The following RAD51B variants were observed in gnomAD, a reference collection of about 807,000 sequenced individuals.
The protein encoded by RAD51B is RAD51 paralog B, also known as DNA repair protein RAD51 homolog 2.
Under a neutral mutation model 42.2 loss-of-function variants are expected in RAD51B, and 38 were observed. The ratio of observed to expected loss-of-function variants is 0.90; its 90% CI spans 0.70 to 1.18. The LOEUF (loss-of-function observed/expected upper bound fraction) is 1.18, where lower values mean the gene tolerates loss of function less well. RAD51B is among the 50% of genes most tolerant of loss of function. The pLI, the probability that RAD51B is intolerant of heterozygous loss-of-function variation, is 0.00. For synonymous variants in RAD51B, 154 were observed against 145.2 expected (o/e 1.06, Z -0.43); for missense variants, 373 against 400.7 (o/e 0.93, Z 0.59).
At chr14:68,467,397 G>A (rs2086012246) in intron 9 of RAD51B, among the ~76,000 whole-genome samples, 1 of 152,242 alleles carries the variant, frequency 6.6e-6, no homozygotes, top group Non-Finnish European at 1.5e-5. Context: ...TATTTAACTT[G>A]TGTATCTGTG....
At chr14:68,109,800 T>G (rs1439573733) in intron 7 of RAD51B, among the ~76,000 whole-genome samples, 1 of 152,034 alleles carries the variant, frequency 6.6e-6, no homozygotes, top group East Asian at 1.9e-4. Flanking sequence ...ACCAACTTCA[T>G]GTCTGGTCTT....
At chr14:67,859,052 A>G (rs1227719269) in intron 4 of RAD51B, among the ~76,000 whole-genome samples, 1 of 152,262 alleles carries the variant, frequency 6.6e-6, no homozygotes, top group Non-Finnish European at 1.5e-5. Context: ...TCAATCTAAC[A>G]AATGAAATTT....
intron 8 of RAD51B, among the ~76,000 whole-genome samples, chr14:68,333,714 T>C (rs2082392221): frequency 6.6e-6 from 1 of 152,248 alleles, no homozygotes; most frequent in Non-Finnish European, 1.5e-5. Context: ...AAAGTACACA[T>C]ACATTGTAGA....
chr14:68,111,400 A>G (rs2077457134), intron 7 of RAD51B, among the ~76,000 whole-genome samples: 1 of 152,080 alleles, frequency 6.6e-6, no homozygotes, highest in South Asian at 2.1e-4. Flanking sequence ...TTTCAGAAAC[A>G]GGATATCAGT....
chr14:68,066,054 AT>A (rs1277512651), intron 7 of RAD51B, among the ~76,000 whole-genome samples: 1 of 152,096 alleles, frequency 6.6e-6, no homozygotes, highest in Non-Finnish European at 1.5e-5. Flanking sequence ...AAATATATTT[AT>A]TGCATTATTT....
At chr14:68,638,675 G>C (rs909696970) in intron 10 of RAD51B, among the ~76,000 whole-genome samples, 4 of 152,034 alleles carry the variant, frequency 2.6e-5, no homozygotes, top group African/African-American at 9.7e-5. Context: ...TGCTCAGAGA[G>C]CTGACGGTCC....
chr14:68,167,894 G>A (rs1056076122), intron 7 of RAD51B, among the ~76,000 whole-genome samples: 4 of 152,022 alleles, frequency 2.6e-5, no homozygotes, highest in African/African-American at 7.2e-5. Flanking sequence ...CTTATGAGAT[G>A]GATTTTATTG....
At chr14:68,658,307 A>T (rs1290512641) in intron 11 of RAD51B, among the ~76,000 whole-genome samples, 1 of 152,178 alleles carries the variant, frequency 6.6e-6, no homozygotes, top group Non-Finnish European at 1.5e-5. Context: ...CCGGACCGAG[A>T]ATCTGGGGCT....
At chr14:68,343,832 C>T in intron 8 of RAD51B, among the ~76,000 whole-genome samples, 1 of 152,288 alleles carries the variant, frequency 6.6e-6, no homozygotes, top group East Asian at 1.9e-4. Context: ...TCAGCTCCAT[C>T]TCCAGCTCCA....
chr14:68,653,410 C>T (rs1892743009), intron 11 of RAD51B, among the ~76,000 whole-genome samples: 1 of 152,198 alleles, frequency 6.6e-6, no homozygotes, highest in South Asian at 2.1e-4. Context: ...TACAGGATAC[C>T]TCTTTAGACC....
At chr14:68,154,490 T>C (rs1328039570) in intron 7 of RAD51B, among the ~76,000 whole-genome samples, 3 of 152,216 alleles carry the variant, frequency 2.0e-5, no homozygotes, top group East Asian at 1.9e-4. Context: ...CTTACATGCA[T>C]GCACTAATCA....
intron 10 of RAD51B, chr14:68,562,805 C>T: frequency 1.0e-6 from 1 of 985,396 alleles, no homozygotes; most frequent in Non-Finnish European, 1.2e-6. Flanking sequence ...ATGGTACAGA[C>T]ATCACAAGGT....
chr14:68,026,064 A>G (rs1303894697), intron 7 of RAD51B, among the ~76,000 whole-genome samples: 1 of 151,848 alleles, frequency 6.6e-6, no homozygotes, highest in Admixed American at 6.6e-5. Context: ...TATTTTCATT[A>G]TTATCATTTT....
chr14:68,268,741 A>G (rs1220564549), intron 7 of RAD51B, among the ~76,000 whole-genome samples: 2 of 152,236 alleles, frequency 1.3e-5, no homozygotes, highest in Non-Finnish European at 2.9e-5. Flanking sequence ...TCAAAGGCAC[A>G]GAGCATCTTT....
chr14:68,327,725 A>AT lies in RAD51B; in HGVS notation c.853+35747dup, dbSNP rs576949676. 1.0e-3 allele frequency among the ~76,000 whole-genome samples: 108 copies of AT among 106,950 alleles called. 1 individual carries two copies. The highest frequency in any genetic ancestry group is 2.7e-3 in the African/African-American group (106 of 39,082). The allele number at this position is 106,950 out of a possible 152,430, so 70.2% of individuals were successfully genotyped here. Reference sequence around the variant, plus strand: ...AGATATTAATCTTCGAGAAGGTATTATTAAAAAAAAGTATATAATATTCAT... The same window carrying AT: ...AGATATTAATCTTCGAGAAGGTATTATTTAAAAAAAAGTATATAATATTCAT... On this transcript the variant is annotated intron_variant, in intron 8 of 10. Transcript: ENST00000471583.
chr14:68,398,961 G>C (rs944154680), intron 8 of RAD51B, among the ~76,000 whole-genome samples: 4 of 151,950 alleles, frequency 2.6e-5, no homozygotes, highest in Admixed American at 6.6e-5. Context: ...ATGGACTCTT[G>C]GGCATCACCT....
intron 7 of RAD51B, among the ~76,000 whole-genome samples, chr14:68,067,336 C>T (rs572627198): frequency 5.3e-5 from 8 of 151,484 alleles, no homozygotes; most frequent in Admixed American, 2.0e-4. Context: ...TGGTGGCAGG[C>T]GCCTGTAATC....
intron 7 of RAD51B, among the ~76,000 whole-genome samples, chr14:67,985,194 T>C (rs2075162531): frequency 6.6e-6 from 1 of 152,208 alleles, no homozygotes; most frequent in Non-Finnish European, 1.5e-5. Context: ...ACTGTTAACA[T>C]TTTGCCATAT....
chr14:68,104,446 A>G, intron 7 of RAD51B, among the ~76,000 whole-genome samples: 1 of 152,170 alleles, frequency 6.6e-6, no homozygotes, highest in East Asian at 1.9e-4. Flanking sequence ...TAGTATTATT[A>G]CTAATTAAAA....
Sources: allele counts gnomAD v4.1 joint callset (sites outside exome capture counted in the v4.1 genomes callset), GRCh38; gene constraint gnomAD v4.1.1; transcripts MANE v1.5; gene names NCBI Gene and HGNC (gene_info 2026-07-23, HGNC 2026-07-21).